The following ZFHX3 variants were observed in gnomAD, a reference collection of about 807,000 sequenced individuals.
ZFHX3 encodes the protein zinc finger homeobox 3.
ZFHX3 carries 42 observed loss-of-function variants against 279.1 expected under a neutral mutation model. That is an observed-to-expected ratio of 0.15 (90% confidence interval 0.12 to 0.19). The LOEUF (loss-of-function observed/expected upper bound fraction) is 0.19. Among genes scored for constraint, ZFHX3 ranks in the 10% least tolerant of loss-of-function variants. The pLI is 1.00. For synonymous variants in ZFHX3, 2,293 were observed against 1,957.8 expected, an observed-to-expected ratio of 1.17 and a Z score of -4.52; for missense variants, 4,981 against 4,754.0, an observed-to-expected ratio of 1.05 and a Z score of -1.40.
chr16:73,279,362 A>C (rs2014400480), intron 4 of ZFHX3, among the ~76,000 whole-genome samples: 1 of 152,190 alleles, frequency 6.6e-6, no homozygotes, highest in Admixed American at 6.5e-5. Context: ...AGAAGTATAC[A>C]GTGTATTTAC....
At chr16:72,802,150 C>T (rs976678342) in intron 7 of ZFHX3, among the ~76,000 whole-genome samples, 12 of 152,084 alleles carry the variant, frequency 7.9e-5, no homozygotes, top group Admixed American at 5.2e-4. Flanking sequence ...AGACTCAGTA[C>T]GACGGATCAG....
At chr16:72,944,422 T>C (rs1960563140) in intron 3 of ZFHX3, among the ~76,000 whole-genome samples, 1 of 152,048 alleles carries the variant, frequency 6.6e-6, no homozygotes, top group African/African-American at 2.4e-5. Context: ...GCACAAAATA[T>C]CAACTACATG....
chr16:73,243,055 C>T (rs560456919), intron 5 of ZFHX3, among the ~76,000 whole-genome samples: 1 of 152,176 alleles, frequency 6.6e-6, no homozygotes, highest in Non-Finnish European at 1.5e-5. Flanking sequence ...TGAGTAGGGT[C>T]TACCACTGTG....
intron 3 of ZFHX3, among the ~76,000 whole-genome samples, chr16:73,381,089 G>A (rs1367865061): frequency 2.6e-5 from 4 of 152,080 alleles, no homozygotes; most frequent in Non-Finnish European, 5.9e-5. Flanking sequence ...AATTACTGGT[G>A]TGGTTTCTCT....
chr16:72,996,085 C>G (rs1258103204), intron 1 of ZFHX3, among the ~76,000 whole-genome samples: 1 of 150,976 alleles, frequency 6.6e-6, no homozygotes, highest in East Asian at 2.0e-4. Context: ...CTGGCCAACA[C>G]AGTAAAACCC....
intron 2 of ZFHX3, among the ~76,000 whole-genome samples, chr16:73,482,845 C>T (rs752595092): frequency 6.6e-6 from 1 of 152,146 alleles, no homozygotes; most frequent in African/African-American, 2.4e-5. Flanking sequence ...ACATTTGTGC[C>T]TCACTTATTC....
At chr16:73,269,606 C>G (rs865904222) in intron 4 of ZFHX3, among the ~76,000 whole-genome samples, 3 of 152,086 alleles carry the variant, frequency 2.0e-5, no homozygotes, top group Non-Finnish European at 4.4e-5. Context: ...TTATTAATAA[C>G]CTTCCACGAA....
At chr16:73,367,070 T>G (rs903165856) in intron 3 of ZFHX3, among the ~76,000 whole-genome samples, 19 of 152,144 alleles carry the variant, frequency 1.2e-4, no homozygotes, top group African/African-American at 4.3e-4. Context: ...CAGTGAGTAA[T>G]TTCCATCTGG....
At position 72,958,454 on chromosome 16, in the gene ZFHX3, C is replaced by T. The variant is rs760534527; in HGVS notation, c.1692G>A (p.Ala564=). The T allele has an allele frequency of 1.1e-5, 17 of 1,614,126 alleles. No individual in the cohort carries two copies. Among genetic ancestry groups the T allele is most frequent in the Admixed American group, 3.3e-5 (2 of 60,028 alleles). ...SASSFVVFDG[A]NRRNRLSFNS... The stretch of plus-strand genomic sequence containing the variant: ...TAAAGCTTAAACGATTCCTCCTGTT[C>T]GCACCATCAAAGACAACAAAGGAAG... The change falls in exon 2 of 10, where the codon GCG becomes GCA. Residue 564 remains alanine, a synonymous_variant. Coordinates refer to ENST00000268489, the MANE Select transcript of ZFHX3 (RefSeq NM_006885.4).
chr16:73,577,416 T>C (rs1597008312), intron 2 of ZFHX3, among the ~76,000 whole-genome samples: 1 of 152,222 alleles, frequency 6.6e-6, no homozygotes, highest in East Asian at 1.9e-4. Context: ...CTCTCTGTAG[T>C]ATTTCTTACA....
intron 1 of ZFHX3, among the ~76,000 whole-genome samples, chr16:73,848,724 A>G (rs1961514951): frequency 6.6e-6 from 1 of 152,234 alleles, no homozygotes; most frequent in African/African-American, 2.4e-5. Flanking sequence ...CTGATAAACA[A>G]TGACCAATTT....
At chr16:73,111,563 C>G (rs1464233833) in intron 7 of ZFHX3, among the ~76,000 whole-genome samples, 1 of 143,328 alleles carries the variant, frequency 7.0e-6, no homozygotes, top group Non-Finnish European at 1.5e-5. Context: ...TAAGTCTTTA[C>G]AGATTCCATA....
intron 5 of ZFHX3, among the ~76,000 whole-genome samples, chr16:72,817,440 T>C (rs1427828735): frequency 1.3e-5 from 2 of 152,170 alleles, no homozygotes; most frequent in Admixed American, 1.3e-4. Flanking sequence ...GAAGAAAAAC[T>C]GGAAATGAAG....
chr16:73,281,853 G>T (rs1597260301), intron 4 of ZFHX3, among the ~76,000 whole-genome samples: 1 of 152,280 alleles, frequency 6.6e-6, no homozygotes, highest in East Asian at 1.9e-4. Context: ...ACTAATCAGA[G>T]AATATAAATA....
intron 2 of ZFHX3, among the ~76,000 whole-genome samples, chr16:73,489,477 T>G (rs1178099980): frequency 6.6e-6 from 1 of 152,216 alleles, no homozygotes; most frequent in African/African-American, 2.4e-5. Context: ...AGCACTAAGA[T>G]TTGCCTTTCG....
chr16:73,564,432 G>T (rs1231050362), intron 2 of ZFHX3, among the ~76,000 whole-genome samples: 3 of 152,130 alleles, frequency 2.0e-5, no homozygotes, highest in African/African-American at 7.2e-5. Flanking sequence ...TTCAAGATGG[G>T]CCTTGCTTTC....
intron 2 of ZFHX3, among the ~76,000 whole-genome samples, chr16:73,546,751 GCTT>G (rs200700903): frequency 0.083 from 12,359 of 148,250 alleles, 632 homozygotes; most frequent in Non-Finnish European, 0.099. Flanking sequence ...TTCTTTTTCG[GCTT>G]CTTCTTCTCC....
At chr16:73,810,581 T>C (rs545188945) in intron 1 of ZFHX3, among the ~76,000 whole-genome samples, 48 of 152,352 alleles carry the variant, frequency 3.2e-4, no homozygotes, top group African/African-American at 1.2e-3. Flanking sequence ...CACACATTCA[T>C]TATCTTATTT....
chr16:73,514,470 CATT>C (rs1026754480), intron 2 of ZFHX3, among the ~76,000 whole-genome samples: 1 of 151,908 alleles, frequency 6.6e-6, no homozygotes, highest in Admixed American at 6.6e-5. Context: ...TAGGTCCCAT[CATT>C]ATTATTATTA....
Sources: gnomAD v4.1 joint callset for allele counts (sites outside exome capture counted in the v4.1 genomes callset) on GRCh38, gnomAD v4.1.1 for gene constraint, MANE v1.5 for transcripts, NCBI Gene and HGNC (gene_info 2026-07-23, HGNC 2026-07-21) for gene names.